Variants in TMEM161B observed in about 807,000 individuals in gnomAD.
TMEM161B encodes the protein transmembrane protein 161B.
A neutral mutation model predicts 61.8 loss-of-function variants in TMEM161B; 34 were observed. The observed-to-expected ratio is 0.55, with a 90% CI of 0.42 to 0.73. The LOEUF (loss-of-function observed/expected upper bound fraction) is 0.73. TMEM161B is among the 30% of genes least tolerant of loss of function. The pLI, the probability that TMEM161B is intolerant of heterozygous loss-of-function variation, is 0.00. For missense variants in TMEM161B, 456 were observed against 558.5 expected (o/e 0.82, Z 1.85); for synonymous variants, 167 against 192.8 (o/e 0.87, Z 1.11).
chr5:88,249,439 T>A (rs1754042940), intron 1 of TMEM161B, among the ~76,000 whole-genome samples: 1 of 152,170 alleles, frequency 6.6e-6, no homozygotes, highest in Non-Finnish European at 1.5e-5. Context: ...CATGACACTG[T>A]TATTTAACCT....
intron 10 of TMEM161B, 89 bp from the exon 11 acceptor site, chr5:88,197,854 TAA>T (rs1749954468): frequency 9.6e-7 from 1 of 1,038,864 alleles, no homozygotes; most frequent in South Asian, 1.7e-5. Flanking sequence ...CCAAAATACT[TAA>T]GAGATAATCC....
At chr5:88,188,698 G>A (rs373155324), downstream of TMEM161B, among the ~76,000 whole-genome samples, 19 of 152,116 alleles carry the variant, frequency 1.2e-4, no homozygotes, top group South Asian at 2.1e-4. Context: ...AGCTGGGAGC[G>A]TCAGCAGACT....
At chr5:88,233,287 C>A (rs1269640562) in intron 2 of TMEM161B, among the ~76,000 whole-genome samples, 1 of 152,146 alleles carries the variant, frequency 6.6e-6, no homozygotes, top group Non-Finnish European at 1.5e-5. Context: ...ATGTGAGAGA[C>A]AGCCTTAGAT....
chr5:88,265,438 GCA>G (rs1303143057), intron 1 of TMEM161B, among the ~76,000 whole-genome samples: 1 of 152,130 alleles, frequency 6.6e-6, no homozygotes, highest in African/African-American at 2.4e-5. Context: ...TCCCTCACAT[GCA>G]CAGTTCACAA....
intron 2 of TMEM161B, among the ~76,000 whole-genome samples, chr5:88,233,342 A>G (rs894225210): frequency 3.9e-5 from 6 of 152,224 alleles, no homozygotes; most frequent in African/African-American, 9.6e-5. Flanking sequence ...CCAGCAACCT[A>G]AAGAATGAGA....
Position 88,207,106 on chromosome 5 carries a change from A to G in TMEM161B, c.521T>C (p.Phe174Ser). 6.2e-7 allele frequency: 1 copy of G among 1,613,252 alleles called. No homozygotes were observed. The change falls in exon 6 of 12, where the codon TTT (phenylalanine) becomes TCT (serine). Residue 174 changes from phenylalanine (F) to serine (S), a missense_variant. Physicochemically the swap from Phe to Ser is radical, Grantham distance 155 (BLOSUM62 -2). Coordinates refer to ENST00000296595, the MANE Select transcript of TMEM161B (RefSeq NM_153354.5). Reference protein sequence around the residue: ...DGGERSVCVTFGFFFFVKAMA... With the variant: ...DGGERSVCVTSGFFFFVKAMA... ...TGCTTTGACAAAGAAAAAAAATCCA[A>G]AGGTGACACAAACAGATCTTTCACC...
intron 1 of TMEM161B, among the ~76,000 whole-genome samples, chr5:88,259,708 C>A (rs1180003958): frequency 6.6e-6 from 1 of 152,198 alleles, no homozygotes; most frequent in African/African-American, 2.4e-5. Flanking sequence ...AAATGTCAAT[C>A]AGTACTGCTA....
At chr5:88,241,243 T>TTA (rs1752691660) in intron 1 of TMEM161B, among the ~76,000 whole-genome samples, 1 of 151,824 alleles carries the variant, frequency 6.6e-6, no homozygotes, top group Non-Finnish European at 1.5e-5. Context: ...CGTGCATAGG[T>TTA]TATATGCAAA....
chr5:88,229,510 C>T (rs776509468), intron 2 of TMEM161B, among the ~76,000 whole-genome samples: 4 of 149,634 alleles, frequency 2.7e-5, no homozygotes, highest in Non-Finnish European at 5.9e-5. Flanking sequence ...TTTTATCTTA[C>T]AGAAAGGTGG....
At chr5:88,206,606 G>T (rs543663251) in intron 6 of TMEM161B, 107 bp from the exon 7 acceptor site, 2 of 1,114,242 alleles carry the variant, frequency 1.8e-6, no homozygotes, top group South Asian at 3.3e-5. Flanking sequence ...CTTAAATTTT[G>T]AAGTGACTAG....
At chr5:88,266,045 T>C (rs956097474) in intron 1 of TMEM161B, among the ~76,000 whole-genome samples, 1 of 152,250 alleles carries the variant, frequency 6.6e-6, no homozygotes, top group African/African-American at 2.4e-5. Context: ...AAATTTCCTA[T>C]AGACTTGTCT....
chr5:88,201,899 A>G (rs1744478938), intron 9 of TMEM161B: 1 of 204,012 alleles, frequency 4.9e-6, no homozygotes, highest in Non-Finnish European at 1.0e-5. Context: ...CTGATTTTAT[A>G]TATATTCCAA....
intron 5 of TMEM161B, among the ~76,000 whole-genome samples, chr5:88,217,265 A>T (rs187582665): frequency 3.9e-5 from 6 of 152,236 alleles, no homozygotes; most frequent in East Asian, 1.9e-4. Context: ...TCTAAAAAAA[A>T]TTTTTTTAAA....
rs75517325 is a variant in TMEM161B at position 88,255,181 on chromosome 5, A to G, written c.3+13540T>C. Among the ~76,000 whole-genome samples the G allele has an allele frequency of 2.3e-3, 347 of 152,310 alleles. 1 individual carries two copies. The highest frequency in any genetic ancestry group is 7.5e-3 in the African/African-American group (312 of 41,574). ...GGGTTTTTGAAGATGGTTATTTCCA[A>G]TAGGTTCTTTGGTAGGTCTGAGGAC... On this transcript the variant is annotated intron_variant, in intron 1 of 11. Coordinates refer to ENST00000296595, the MANE Select transcript of TMEM161B (RefSeq NM_153354.5).
chr5:88,202,766 A>G, intron 9 of TMEM161B, 196 bp downstream of exon 9: 1 of 592,196 alleles, frequency 1.7e-6, no homozygotes, highest in Non-Finnish European at 3.0e-6. Flanking sequence ...AATAATCATT[A>G]ACATTAACTA....
At chr5:88,229,729 T>C (rs1750669715) in intron 2 of TMEM161B, among the ~76,000 whole-genome samples, 1 of 150,080 alleles carries the variant, frequency 6.7e-6, no homozygotes, top group Non-Finnish European at 1.5e-5. Context: ...ATTTTTTAAA[T>C]TTGAAATTTC....
chr5:88,239,962 T>G (rs1752457125), intron 2 of TMEM161B, among the ~76,000 whole-genome samples: 1 of 151,968 alleles, frequency 6.6e-6, no homozygotes, highest in Non-Finnish European at 1.5e-5. Context: ...AAATAAATAG[T>G]CATGGTACCA....
At chr5:88,268,585 T>C in intron 1 of TMEM161B, 136 bp downstream of exon 1, 1 of 1,183,110 alleles carries the variant, frequency 8.5e-7, no homozygotes, top group Non-Finnish European at 1.2e-6. Context: ...AGATAGGTGG[T>C]GGGTCCTACC....
chr5:88,199,898 G>A (rs1744048627), intron 9 of TMEM161B: 1 of 151,968 alleles, frequency 6.6e-6, no homozygotes, highest in Non-Finnish European at 1.5e-5. Flanking sequence ...GAACTACATT[G>A]CAAGTAATTT....
Sources: allele counts gnomAD v4.1 joint callset (sites outside exome capture counted in the v4.1 genomes callset), GRCh38; gene constraint gnomAD v4.1.1; transcripts MANE v1.5; gene names NCBI Gene and HGNC (gene_info 2026-07-23, HGNC 2026-07-21).